Variants in CDYL observed in about 807,000 individuals in gnomAD.
CDYL encodes chromodomain Y-like protein.
Under a neutral mutation model 47.3 loss-of-function variants are expected in CDYL, and 8 were observed. The ratio of observed to expected loss-of-function variants is 0.17; its 90% CI spans 0.10 to 0.31. The LOEUF (loss-of-function observed/expected upper bound fraction) is 0.31, where lower values mean the gene tolerates loss of function less well. Ranked by LOEUF, CDYL falls within the 10% of genes least tolerant of loss-of-function variation. The pLI is 1.00. For missense variants in CDYL, 471 were observed against 701.4 expected (o/e 0.67, Z 3.71); for synonymous variants, 266 against 265.0 (o/e 1.00, Z -0.04).
At chr6:4,888,135 G>T (rs948008969) in intron 1 of CDYL, among the ~76,000 whole-genome samples, 2 of 152,160 alleles carry the variant, frequency 1.3e-5, no homozygotes, top group Middle Eastern at 3.4e-3. Flanking sequence ...CATAAAAGAG[G>T]TATAGGTCTA....
chr6:4,921,272 CG>C, intron 2 of CDYL, among the ~76,000 whole-genome samples: 1 of 152,320 alleles, frequency 6.6e-6, no homozygotes, highest in South Asian at 2.1e-4. Flanking sequence ...GACTAAGCCT[CG>C]TTTTCTCTCT....
At chr6:4,735,740 C>T (rs955456898) in intron 3 of CDYL, among the ~76,000 whole-genome samples, 7 of 151,756 alleles carry the variant, frequency 4.6e-5, no homozygotes, top group South Asian at 2.1e-4. Flanking sequence ...CACTCTAGCA[C>T]GGGCAACAAG....
chr6:4,753,672 T>A (rs533096017), intron 3 of CDYL, among the ~76,000 whole-genome samples: 1 of 152,300 alleles, frequency 6.6e-6, no homozygotes, highest in South Asian at 2.1e-4. Context: ...AAGAAATGCA[T>A]TATTATATTC....
intron 1 of CDYL, among the ~76,000 whole-genome samples, chr6:4,860,125 T>C (rs1310581443): frequency 2.0e-5 from 3 of 151,910 alleles, no homozygotes; most frequent in African/African-American, 7.3e-5. Context: ...ATGGTCTCGA[T>C]CTCCTGACCT....
chr6:4,822,106 C>CTA (rs1759855445), intron 1 of CDYL, among the ~76,000 whole-genome samples: 1 of 151,956 alleles, frequency 6.6e-6, no homozygotes, highest in Non-Finnish European at 1.5e-5. Context: ...GTAGCTAGGA[C>CTA]TACAGGTGCA....
chr6:4,724,133 T>C (rs1172206040), intron 2 of CDYL, among the ~76,000 whole-genome samples: 1 of 152,142 alleles, frequency 6.6e-6, no homozygotes, highest in Non-Finnish European at 1.5e-5. Context: ...CTTGACCTCC[T>C]GGGTTCAAAT....
intron 2 of CDYL, among the ~76,000 whole-genome samples, chr6:4,924,491 G>A (rs1021727538): frequency 6.6e-6 from 1 of 152,140 alleles, no homozygotes; most frequent in African/African-American, 2.4e-5. Context: ...CACCTCCTCT[G>A]TTCTCAGGTT....
chr6:4,715,842 G>A lies in CDYL; in HGVS notation c.64G>A (p.Glu22Lys), dbSNP rs148796217. ...AAGCAGGAAGAAAAACTGGCAATAC[G>A]AGGGCCCAACCCAAAAGTTATTCCT... The change falls in exon 2 of 9, where the codon GAG becomes AAG. Residue 22 changes from glutamate (E) to lysine (K), a missense_variant. Coordinates refer to the CDYL transcript ENST00000328908. 58 of 1,614,170 alleles carry A rather than the reference G, an allele frequency of 3.6e-5. No individual in the cohort carries two copies. In the East Asian group the frequency reaches 4.5e-4, roughly 12 times the overall value.
At chr6:4,826,500 T>G (rs557819024) in intron 1 of CDYL, among the ~76,000 whole-genome samples, 3 of 152,328 alleles carry the variant, frequency 2.0e-5, no homozygotes, top group South Asian at 2.1e-4. Flanking sequence ...CTATAAACTT[T>G]CCTCTGACCA....
At chr6:4,802,175 A>G (rs970397365) in intron 1 of CDYL, among the ~76,000 whole-genome samples, 1 of 152,082 alleles carries the variant, frequency 6.6e-6, no homozygotes, top group South Asian at 2.1e-4. Flanking sequence ...TAACCCTTCT[A>G]GTTACAGTTT....
intron 5 of CDYL, among the ~76,000 whole-genome samples, chr6:4,949,495 T>A (rs1758632113): frequency 6.6e-6 from 1 of 152,212 alleles, no homozygotes; most frequent in African/African-American, 2.4e-5. Flanking sequence ...CATCTCTATT[T>A]AACTTTCCTC....
upstream of CDYL, among the ~76,000 whole-genome samples, chr6:4,772,134 T>C (rs1026874398): frequency 1.1e-4 from 17 of 152,198 alleles, no homozygotes; most frequent in African/African-American, 4.1e-4. Context: ...TCCTTAATTG[T>C]AGATTGATGA....
At chr6:4,872,207 A>G (rs1761495416) in intron 1 of CDYL, among the ~76,000 whole-genome samples, 2 of 151,966 alleles carry the variant, frequency 1.3e-5, no homozygotes, top group African/African-American at 4.8e-5. Flanking sequence ...CCTCTCTGTG[A>G]GTGATCATCA....
intron 1 of CDYL, among the ~76,000 whole-genome samples, chr6:4,811,706 A>C (rs939362500): frequency 6.7e-6 from 1 of 149,948 alleles, no homozygotes; most frequent in Non-Finnish European, 1.5e-5. Flanking sequence ...CTTGGCCTCG[A>C]GTGATCTTCC....
rs895970618 is a variant in CDYL at position 4,925,218 on chromosome 6, A to G, written c.692-10297A>G. Among the ~76,000 whole-genome samples, 9 of 152,156 alleles carry G rather than the reference A, an allele frequency of 5.9e-5. No homozygotes were observed. The South Asian group carries it at 6.2e-4, about 11-fold the overall frequency. On this transcript the variant is annotated intron_variant, in intron 2 of 6. Coordinates refer to ENST00000397588, the MANE Select transcript of CDYL (RefSeq NM_004824.4). ...TGCATAAATGTGTGACATTCGCAGT[A>G]TACTCAGATCGTTCCTAATGTGTCA...
chr6:4,748,194 C>A (rs1465463397), intron 3 of CDYL, among the ~76,000 whole-genome samples: 1 of 152,126 alleles, frequency 6.6e-6, no homozygotes, highest in East Asian at 1.9e-4. Context: ...TCAAGTACAT[C>A]TCTCTTCATC....
chr6:4,851,970 T>C (rs2235429), intron 1 of CDYL, among the ~76,000 whole-genome samples: 2,270 of 152,230 alleles, frequency 0.015, 66 homozygotes, highest in East Asian at 0.094. Flanking sequence ...TTTATTTCTA[T>C]AGTGACTTTT....
chr6:4,796,771 A>G (rs1225194920), intron 1 of CDYL, among the ~76,000 whole-genome samples: 1 of 152,202 alleles, frequency 6.6e-6, no homozygotes, highest in African/African-American at 2.4e-5. Context: ...TGAGAGCACC[A>G]TATAACTAGA....
At chr6:4,930,654 T>C (rs1315871880) in intron 2 of CDYL, among the ~76,000 whole-genome samples, 1 of 152,192 alleles carries the variant, frequency 6.6e-6, no homozygotes, top group Admixed American at 6.5e-5. Flanking sequence ...GGGAAGAGGG[T>C]GTCACAAGTC....
Sources: allele counts gnomAD v4.1 joint callset (sites outside exome capture counted in the v4.1 genomes callset), GRCh38; gene constraint gnomAD v4.1.1; transcripts MANE v1.5; gene names NCBI Gene and HGNC (gene_info 2026-07-23, HGNC 2026-07-21).